The following CUX1 variants were observed in gnomAD, a reference collection of about 807,000 sequenced individuals.
The protein encoded by CUX1 is protein CASP.
A neutral mutation model predicts 158.8 loss-of-function variants in CUX1; 31 were observed. The observed-to-expected ratio is 0.20, with a 90% confidence interval of 0.15 to 0.26. CUX1 has a LOEUF of 0.26. Among genes scored for constraint, CUX1 ranks in the 10% least tolerant of loss-of-function variants. The probability of loss-of-function intolerance (pLI) is 1.00; values close to 1 mark genes in which losing one functional copy is unlikely to be tolerated. For synonymous variants in CUX1, 879 were observed against 862.1 expected, an observed-to-expected ratio of 1.02 and a Z score of -0.34; for missense variants, 1,589 against 2,014.6, an observed-to-expected ratio of 0.79 and a Z score of 4.04.
chr7:101,937,396 C>T (rs1161485242), intron 2 of CUX1, among the ~76,000 whole-genome samples: 1 of 152,164 alleles, frequency 6.6e-6, no homozygotes, highest in Non-Finnish European at 1.5e-5. Context: ...AAAGATCGCC[C>T]AAGCTTTGGC....
At chr7:101,951,611 T>C (rs1031585152) in intron 2 of CUX1, among the ~76,000 whole-genome samples, 42 of 152,130 alleles carry the variant, frequency 2.8e-4, no homozygotes, top group East Asian at 2.0e-4. Context: ...GTTCATGCCA[T>C]TCTCCTGCCT....
intron 2 of CUX1, among the ~76,000 whole-genome samples, chr7:101,931,703 A>G (rs562867003): frequency 4.3e-4 from 65 of 152,272 alleles, no homozygotes; most frequent in Non-Finnish European, 4.9e-4. Context: ...AGCTGGGGCT[A>G]CAGGCATGCA....
At chr7:101,943,943 A>G (rs1808041266) in intron 2 of CUX1, among the ~76,000 whole-genome samples, 1 of 145,258 alleles carries the variant, frequency 6.9e-6, no homozygotes, top group South Asian at 2.3e-4. Flanking sequence ...ACATAGCGAG[A>G]CCGCGTCTCT....
At chr7:102,245,209 AT>A (rs1284326273) in intron 23 of CUX1, among the ~76,000 whole-genome samples, 71 of 152,002 alleles carry the variant, frequency 4.7e-4, no homozygotes, top group African/African-American at 1.6e-3. Context: ...CACCTGGCTA[AT>A]TTTTTGTATT....
At chr7:101,942,624 G>A (rs563987524) in intron 2 of CUX1, among the ~76,000 whole-genome samples, 128 of 152,184 alleles carry the variant, frequency 8.4e-4, no homozygotes, top group African/African-American at 3.0e-3. Context: ...CACCACACCC[G>A]GTGAATCTTT....
In CUX1 at chr7:102,227,482, G is replaced by T; in HGVS notation, c.3246G>T (p.Glu1082Asp). ...TCCAGCAGCCCTGTCCCCCCATCGA[G>T]GCGAGCAAGGACAGCAAGCCACCAG... is the stretch of plus-strand genomic sequence containing the variant. ...ELVQQPCPPI[E>D]ASKDSKPPEP... Residue 1082 changes from glutamate to aspartate, a missense_variant, in exon 21 of 24, where the codon GAG becomes GAT. Physicochemically the swap from Glu to Asp is conservative, Grantham distance 45. Around this residue, in one of 8 missense-constraint regions of CUX1, gnomAD observed 259 missense variants for 373.8 expected, o/e 0.69. Transcript: ENST00000292535. 1 of 1,614,096 alleles carries T rather than the reference G, an allele frequency of 6.2e-7. No individual in the cohort carries two copies. Among genetic ancestry groups the T allele is most frequent in the Non-Finnish European group, 8.5e-7 (1 of 1,180,028 alleles).
chr7:102,239,846 A>G (rs2132500882), intron 23 of CUX1, among the ~76,000 whole-genome samples: 1 of 151,990 alleles, frequency 6.6e-6, no homozygotes, highest in Non-Finnish European at 1.5e-5. Context: ...TCCTGGGTTT[A>G]AGCAGTTCTC....
intron 2 of CUX1, among the ~76,000 whole-genome samples, chr7:102,015,160 G>A (rs1818441508): frequency 1.3e-5 from 2 of 152,184 alleles, no homozygotes; most frequent in Admixed American, 6.5e-5. Flanking sequence ...ATGAATAAAC[G>A]TGAAGTCAGG....
rs931267995 is a variant in CUX1, at chr7:102,081,545, G to A, written c.268+11128G>A. On this transcript the variant is annotated intron_variant, in intron 4 of 23. Transcript: ENST00000292535. ...GGTGCTTGCTTCTCCTTCACCTTCC[G>A]CCACAACTGTTTCCTGAGGCCTCCC... 1.0e-4 allele frequency among the ~76,000 whole-genome samples: 15 copies of A among 147,028 alleles called. 2 individuals are homozygous for A. The highest frequency in any genetic ancestry group is 8.9e-4 in the Admixed American group (13 of 14,566).
intron 1 of CUX1, among the ~76,000 whole-genome samples, chr7:101,903,901 G>C (rs1286897144): frequency 6.6e-6 from 1 of 152,062 alleles, no homozygotes; most frequent in Admixed American, 6.5e-5. Context: ...AAGGCTTGTA[G>C]GAAAACTTTG....
chr7:101,834,906 G>A (rs1794456247), intron 1 of CUX1, among the ~76,000 whole-genome samples: 1 of 152,058 alleles, frequency 6.6e-6, no homozygotes, highest in Non-Finnish European at 1.5e-5. Flanking sequence ...TGAGGCAGGA[G>A]AATCTCTTGA....
At chr7:101,844,039 C>G (rs529723971) in intron 1 of CUX1, among the ~76,000 whole-genome samples, 13 of 152,176 alleles carry the variant, frequency 8.5e-5, no homozygotes, top group Non-Finnish European at 1.6e-4. Flanking sequence ...CCTGACCCAA[C>G]TAGTCTGAGT....
At position 102,254,398 on chromosome 7, in the gene CUX1, A is replaced by T. The variant is rs781863664; in HGVS notation, c.*5356A>T. 1.0e-4 allele frequency: 102 copies of T among 985,210 alleles called. No individual in the cohort carries two copies. Among genetic ancestry groups the T allele is most frequent in the Non-Finnish European group, 1.2e-4 (99 of 829,956 alleles). 61.0% of individuals were successfully genotyped at this position (985,210 alleles called of 1,614,324 possible). A position where few individuals can be genotyped will look rare whatever the true frequency, so the allele number is the denominator to read the frequency against. ...GCGAACACTCCTTTGCAAACATCAA[A>T]CATCTCAAAGACGGAAAAGGATAGA... is the stretch of plus-strand genomic sequence containing the variant. On this transcript the variant is annotated 3_prime_UTR_variant, in exon 24 of 24. Coordinates refer to ENST00000292535, the MANE Select transcript of CUX1 (RefSeq NM_181552.4).
intron 8 of CUX1, among the ~76,000 whole-genome samples, chr7:102,125,148 C>T (rs975057116): frequency 2.0e-5 from 3 of 152,168 alleles, no homozygotes; most frequent in African/African-American, 7.2e-5. Flanking sequence ...CTGTACACCA[C>T]AGGCTTAGCA....
Position 102,254,550 on chromosome 7 carries a change from T to C in CUX1, c.*5508T>C. The C allele has an allele frequency of 1.0e-6, 1 of 985,514 alleles. No homozygotes were observed. The highest frequency in any genetic ancestry group is 1.2e-6 in the Non-Finnish European group (1 of 830,002). The allele number at this position is 985,514 out of a possible 1,614,324, so 61.0% of individuals were successfully genotyped here. The stretch of plus-strand genomic sequence containing the variant: ...GGGCTGGTGGTTGGAGGTGGGTCTG[T>C]CCACTGTGGGGGCCAAAGTGTTCCC... On this transcript the variant is annotated 3_prime_UTR_variant, in exon 24 of 24. Coordinates refer to ENST00000292535, the MANE Select transcript of CUX1 (RefSeq NM_181552.4).
At chr7:101,820,399 A>T (rs1792333033) in intron 1 of CUX1, among the ~76,000 whole-genome samples, 1 of 152,238 alleles carries the variant, frequency 6.6e-6, no homozygotes, top group African/African-American at 2.4e-5. Flanking sequence ...TGTCACATGT[A>T]AATTTCACAG....
At chr7:102,245,549 G>A (rs1490659481) in intron 23 of CUX1, among the ~76,000 whole-genome samples, 1 of 152,174 alleles carries the variant, frequency 6.6e-6, no homozygotes, top group Non-Finnish European at 1.5e-5. Flanking sequence ...GCTGGATAGG[G>A]GGAAGGGTGA....
intron 2 of CUX1, among the ~76,000 whole-genome samples, chr7:101,940,953 C>T (rs1341445103): frequency 6.6e-6 from 1 of 152,212 alleles, no homozygotes; most frequent in East Asian, 1.9e-4. Context: ...GCGAGGCCAG[C>T]CCCTTCCCTG....
intron 14 of CUX1, among the ~76,000 whole-genome samples, chr7:102,265,507 C>T (rs888018196): frequency 1.3e-4 from 20 of 151,926 alleles, no homozygotes; most frequent in African/African-American, 4.1e-4. Context: ...GCATAATCAT[C>T]GCTCACTGCA....
Sources: gnomAD v4.1 joint callset for allele counts (sites outside exome capture counted in the v4.1 genomes callset) on GRCh38, gnomAD v4.1.1 for gene constraint, gnomAD v4.1.1 regional missense constraint, MANE v1.5 for transcripts, NCBI Gene and HGNC (gene_info 2026-07-23, HGNC 2026-07-21) for gene names.